The following SYTL5 variants were observed in gnomAD, a reference collection of about 807,000 sequenced individuals.
The protein encoded by SYTL5 is synaptotagmin like 5.
In SYTL5, 34 loss-of-function variants were observed where a neutral mutation model predicts 55.9. The observed-to-expected ratio is 0.61, with a 90% CI of 0.46 to 0.81. The LOEUF (loss-of-function observed/expected upper bound fraction) is 0.81, where lower values mean the gene tolerates loss of function less well. Among genes scored for constraint, SYTL5 ranks in the 30% least tolerant of loss-of-function variants. The pLI is 0.00. For synonymous variants in SYTL5, 221 were observed against 188.7 expected (o/e 1.17, Z -1.40); for missense variants, 637 against 546.7 (o/e 1.17, Z -1.65).
At chrX:37,937,643 T>C in the SYTL5 span, among the ~76,000 whole-genome samples, 75 of 112,087 alleles carry the variant, frequency 6.7e-4, no homozygotes, top group African/African-American at 2.3e-3. Flanking sequence ...TACACAACTG[T>C]GAGGTACTAA....
chrX:38,003,372 G>A (rs184888991), upstream of SYTL5, among the ~76,000 whole-genome samples: 1 of 111,449 alleles, frequency 9.0e-6, no homozygotes, highest in African/African-American at 3.3e-5. Flanking sequence ...GGCAACTTCA[G>A]CAAAGTCTCA....
At chrX:38,051,852 C>T (rs368143212) in intron 2 of SYTL5, among the ~76,000 whole-genome samples, 4 of 111,367 alleles carry the variant, frequency 3.6e-5, no homozygotes, top group East Asian at 5.7e-4. Context: ...AGCTGATATT[C>T]TGCCTCCAGG....
chrX:37,971,221 C>CT, the SYTL5 span, among the ~76,000 whole-genome samples: 10,155 of 105,793 alleles, frequency 0.096, 792 homozygotes, highest in East Asian at 0.24. Context: ...TAAAGACCTT[C>CT]TTTTTTTTTT....
intron 3 of SYTL5, among the ~76,000 whole-genome samples, chrX:38,058,370 T>C (rs978226333): frequency 9.0e-6 from 1 of 111,462 alleles, no homozygotes; most frequent in Non-Finnish European, 1.9e-5. Context: ...ATTTGCTTTA[T>C]ATATTTAGAT....
At chrX:37,998,581 C>T in the SYTL5 span, among the ~76,000 whole-genome samples, 1 of 112,014 alleles carries the variant, frequency 8.9e-6, no homozygotes, top group Admixed American at 9.4e-5. Context: ...CTGAACCCCA[C>T]GCTTCCTCAC....
upstream of SYTL5, among the ~76,000 whole-genome samples, chrX:38,001,797 T>C (rs996303279): frequency 4.0e-4 from 45 of 111,846 alleles, no homozygotes; most frequent in African/African-American, 1.4e-3. Context: ...ATTTCCTTTC[T>C]TTTAGTTATA....
chrX:38,116,130 G>A (rs1159129093), intron 13 of SYTL5, among the ~76,000 whole-genome samples: 1 of 111,854 alleles, frequency 8.9e-6, no homozygotes, highest in Non-Finnish European at 1.9e-5. Context: ...TGTGAGACAA[G>A]GGTCCAATTT....
intron 15 of SYTL5, among the ~76,000 whole-genome samples, 181 bp from the exon 16 acceptor site, chrX:38,125,117 G>C (rs1336660009): frequency 2.7e-5 from 3 of 111,910 alleles, no homozygotes; most frequent in Non-Finnish European, 5.6e-5. Context: ...AGAAAGGAGA[G>C]TGAGGGCATT....
At chrX:37,916,483 G>A in the SYTL5 span, among the ~76,000 whole-genome samples, 1 of 112,031 alleles carries the variant, frequency 8.9e-6, no homozygotes, top group African/African-American at 3.2e-5. Context: ...TACCATAGCT[G>A]CTTTCAAATG....
At chrX:37,968,654 G>T in the SYTL5 span, among the ~76,000 whole-genome samples, 1 of 111,288 alleles carries the variant, frequency 9.0e-6, no homozygotes, top group African/African-American at 3.3e-5. Flanking sequence ...TTCATCTGGG[G>T]TACTTCACTT....
chrX:38,053,894 T>C (rs1456105571), intron 2 of SYTL5, among the ~76,000 whole-genome samples: 4 of 112,351 alleles, frequency 3.6e-5, no homozygotes, highest in Non-Finnish European at 7.5e-5. Flanking sequence ...AAACATTTTA[T>C]TTTTCAGTTA....
the SYTL5 span, among the ~76,000 whole-genome samples, chrX:37,998,262 C>T: frequency 8.9e-6 from 1 of 112,649 alleles, no homozygotes; most frequent in South Asian, 3.7e-4. Flanking sequence ...TTAACACAAA[C>T]AGGTTGAAAC....
At chrX:38,109,302 A>G (rs1256616546) in intron 12 of SYTL5, among the ~76,000 whole-genome samples, 1 of 111,707 alleles carries the variant, frequency 9.0e-6, no homozygotes, top group Non-Finnish European at 1.9e-5. Flanking sequence ...TTCTCTTGCT[A>G]TGGAACAATC....
chrX:38,122,917 A>G (rs1367160313), intron 15 of SYTL5, among the ~76,000 whole-genome samples: 2 of 112,711 alleles, frequency 1.8e-5, no homozygotes, highest in African/African-American at 6.5e-5. Flanking sequence ...GCCAAGCACC[A>G]GGTGCTATGC....
the SYTL5 span, among the ~76,000 whole-genome samples, chrX:37,995,436 C>T: frequency 0.36 from 40,099 of 110,741 alleles, 5,562 homozygotes; most frequent in East Asian, 0.55. Context: ...TTTCTTGCCA[C>T]ATGATTTCCA....
At chrX:38,087,386 A>G (rs1279648674) in intron 6 of SYTL5, among the ~76,000 whole-genome samples, 1 of 112,188 alleles carries the variant, frequency 8.9e-6, no homozygotes, top group African/African-American at 3.2e-5. Flanking sequence ...TAGAAATGTC[A>G]TGCTTCAGGT....
upstream of SYTL5, among the ~76,000 whole-genome samples, chrX:38,001,565 G>C (rs753112847): frequency 1.8e-5 from 2 of 111,197 alleles, no homozygotes; most frequent in African/African-American, 3.3e-5. Context: ...GTCTTTCTGT[G>C]CCTGGCCTAT....
chrX:37,935,040 A>C, the SYTL5 span, among the ~76,000 whole-genome samples: 2 of 112,362 alleles, frequency 1.8e-5, no homozygotes, highest in African/African-American at 6.5e-5. Context: ...ACTCAAAGAG[A>C]TCTACATTTA....
rs568068651 is a variant in SYTL5 at position 38,082,219 on chromosome X, A to G, written c.689+5518A>G. Among the ~76,000 whole-genome samples, 7 of 111,601 alleles carry G rather than the reference A, an allele frequency of 6.3e-5. No homozygotes were observed. The South Asian group carries it at 1.9e-3, about 30-fold the overall frequency. The stretch of plus-strand genomic sequence containing the variant: ...CCTTGCTGTTTTGTCTGTTTCTCCA[A>G]TTGTTTCCCATGGATTCACTGTCTT... On this transcript the variant is annotated intron_variant, in intron 6 of 16. Transcript: ENST00000297875.
Sources: allele counts gnomAD v4.1 joint callset (sites outside exome capture counted in the v4.1 genomes callset), GRCh38; gene constraint gnomAD v4.1.1; transcripts MANE v1.5; gene names NCBI Gene and HGNC (gene_info 2026-07-23, HGNC 2026-07-21).